LPA: variants seen among roughly 807,000 people sequenced by gnomAD.
The protein encoded by LPA is apolipoprotein(a).
Under a neutral mutation model 197.9 loss-of-function variants are expected in LPA, and 199 were observed. The ratio of observed to expected loss-of-function variants is 1.01; its 90% CI spans 0.90 to 1.13. LPA has a LOEUF of 1.13. LPA is among the 50% of genes most tolerant of loss of function. The pLI is 0.00. For missense variants in LPA, 1,853 were observed against 1,785.8 expected (o/e 1.04, Z -0.68); for synonymous variants, 715 against 639.5 (o/e 1.12, Z -1.78).
intron 1 of LPA, 41 bp downstream of exon 1, chr6:160,664,125 A>G: frequency 1.3e-6 from 2 of 1,537,700 alleles, no homozygotes. Context: ...ACATTGTGGG[A>G]GAAAAAATAA....
At chr6:160,596,859 C>T (rs1023355313) in intron 20 of LPA, among the ~76,000 whole-genome samples, 1 of 152,156 alleles carries the variant, frequency 6.6e-6, no homozygotes, top group East Asian at 1.9e-4. Context: ...CACTGCATCT[C>T]CTAAGTTTGG....
At chr6:160,592,040 T>C (rs1779040303) in intron 22 of LPA, among the ~76,000 whole-genome samples, 1 of 152,212 alleles carries the variant, frequency 6.6e-6, no homozygotes, top group Non-Finnish European at 1.5e-5. Flanking sequence ...TTGAGCTTCA[T>C]GACTATGAAT....
intron 28 of LPA, among the ~76,000 whole-genome samples, chr6:160,570,173 G>A (rs905978464): frequency 6.6e-6 from 1 of 152,196 alleles, no homozygotes; most frequent in African/African-American, 2.4e-5. Context: ...CTGCTATAAA[G>A]ACACATGCAC....
rs529069158 is a variant in LPA at position 160,585,352 on chromosome 6, A to T, written c.4130-147T>A. 141 of 777,456 alleles carry T rather than the reference A, an allele frequency of 1.8e-4. 3 individuals carry two copies. The South Asian group carries it at 2.1e-3, about 11-fold the overall frequency. The allele number at this position is 777,456 out of a possible 1,614,324, so 48.2% of individuals were successfully genotyped here. The stretch of plus-strand genomic sequence containing the variant: ...GCAAATTGAAATGTAGAATAAAAAT[A>T]CAAATAGACTTATAGGATTCTAGAA... On this transcript the variant is annotated intron_variant, in intron 25 of 38. Transcript: ENST00000316300.
intron 2 of LPA, among the ~76,000 whole-genome samples, chr6:160,649,903 A>G (rs9456566): frequency 7.9e-5 from 12 of 152,330 alleles, no homozygotes; most frequent in African/African-American, 2.9e-4. Flanking sequence ...ATAGACATAG[A>G]TATAGAAAAA....
intron 28 of LPA, among the ~76,000 whole-genome samples, chr6:160,571,029 T>C (rs1778553484): frequency 6.6e-6 from 1 of 152,210 alleles, no homozygotes; most frequent in Non-Finnish European, 1.5e-5. Flanking sequence ...GTTCAATCTT[T>C]TCACATAGTC....
At chr6:160,559,290 A>G (rs1434501901) in intron 28 of LPA, among the ~76,000 whole-genome samples, 6 of 152,350 alleles carry the variant, frequency 3.9e-5, no homozygotes, top group Non-Finnish European at 8.8e-5. Context: ...ATGAACTCAT[A>G]CAGAATATAC....
intron 36 of LPA, 84 bp from the exon 37 acceptor site, chr6:160,538,045 C>A: frequency 8.7e-7 from 1 of 1,146,168 alleles, no homozygotes; most frequent in Non-Finnish European, 1.3e-6. Context: ...GCCTTGAAGC[C>A]CCAGAGCCCT....
At chr6:160,594,762 G>T (rs1030092147) in intron 21 of LPA, among the ~76,000 whole-genome samples, 1 of 152,196 alleles carries the variant, frequency 6.6e-6, no homozygotes, top group African/African-American at 2.4e-5. Context: ...CCATGAGAAG[G>T]AGGGGCAAGA....
chr6:160,559,802 T>G (rs961607495), intron 28 of LPA, among the ~76,000 whole-genome samples: 1 of 152,226 alleles, frequency 6.6e-6, no homozygotes, highest in Non-Finnish European at 1.5e-5. Flanking sequence ...TATCTTATTA[T>G]TATTATACTT....
At chr6:160,565,714 G>A (rs1428656821) in intron 28 of LPA, among the ~76,000 whole-genome samples, 1 of 152,016 alleles carries the variant, frequency 6.6e-6, no homozygotes, top group Non-Finnish European at 1.5e-5. Flanking sequence ...CAGACGATCT[G>A]TAATAACAAA....
In LPA at chr6:160,658,597, A is replaced by T. The variant is rs149276252; in HGVS notation, c.49+5569T>A. Among the ~76,000 whole-genome samples, 237 of 151,960 alleles carry T rather than the reference A, an allele frequency of 1.6e-3. 3 individuals carry two copies. Among genetic ancestry groups the T allele is most frequent in the African/African-American group, 5.6e-3 (232 of 41,408 alleles). On this transcript the variant is annotated intron_variant, in intron 1 of 38. Transcript: ENST00000316300. ...AAGGTATTATGTATAGAGTCACTAAACTCCTTGCCTCTCATAAGTGATGAA... is the reference window on the plus strand; with the variant it reads ...AAGGTATTATGTATAGAGTCACTAATCTCCTTGCCTCTCATAAGTGATGAA...
intron 1 of LPA, among the ~76,000 whole-genome samples, chr6:160,662,977 G>A (rs1014504783): frequency 6.6e-6 from 1 of 152,072 alleles, no homozygotes; most frequent in African/African-American, 2.4e-5. Context: ...TTGCCTCAAG[G>A]GACAACACCC....
Position 160,548,668 on chromosome 6 carries a change from TC to T in LPA, c.4974-10del. Reference sequence around the variant, plus strand: ...AGTTCATTGTCAGGCCACTGGAAATTCCAAAGCAATACAAGTTACAGGAGGC... The same window carrying T: ...AGTTCATTGTCAGGCCACTGGAAATTCAAAGCAATACAAGTTACAGGAGGC... On this transcript the variant is annotated splice_polypyrimidine_tract_variant and intron_variant, in intron 30 of 38. Coordinates refer to ENST00000316300, the MANE Select transcript of LPA (RefSeq NM_005577.4). 1 of 1,613,862 alleles carries T rather than the reference TC, an allele frequency of 6.2e-7. No individual in the cohort carries two copies. Among genetic ancestry groups the T allele is most frequent in the Non-Finnish European group, 8.5e-7 (1 of 1,179,862 alleles).
At chr6:160,592,828 A>T (rs1743940165) in intron 22 of LPA, among the ~76,000 whole-genome samples, 1 of 151,964 alleles carries the variant, frequency 6.6e-6, no homozygotes, top group Non-Finnish European at 1.5e-5. Flanking sequence ...GCTTTCTTTG[A>T]CCTCTACTGA....
chr6:160,611,623 G>A lies in LPA; in HGVS notation c.2542C>T (p.Gln848Ter). 2 of 1,596,898 alleles carry A rather than the reference G, an allele frequency of 1.3e-6. No homozygotes were observed. Among genetic ancestry groups the A allele is most frequent in the African/African-American group, 1.4e-5 (1 of 73,896 alleles). ...TGTGGTGTCATAGATGACCAAGCTT[G>A]GCAGGTTCTTCCAGTGACAGTGGTG... The part of the protein sequence containing the change: ...YSTTVTGRTC[Q>*]AWSSMTPHSH... Residue 848 changes from glutamine (Q) to a stop codon, truncating the protein, a stop_gained, in exon 16 of 39, where the codon CAA (glutamine) becomes TAA (stop). Coordinates refer to ENST00000316300, the MANE Select transcript of LPA (RefSeq NM_005577.4). LOFTEE classifies it high-confidence loss of function.
At chr6:160,607,426 G>C (rs1250875886) in intron 16 of LPA, among the ~76,000 whole-genome samples, 1 of 152,158 alleles carries the variant, frequency 6.6e-6, no homozygotes, top group African/African-American at 2.4e-5. Context: ...CTGAGGGAAA[G>C]GGGGATGAGT....
intron 20 of LPA, among the ~76,000 whole-genome samples, chr6:160,596,592 T>C (rs1779137505): frequency 6.6e-6 from 1 of 152,140 alleles, no homozygotes; most frequent in East Asian, 1.9e-4. Flanking sequence ...ATCAGAGACA[T>C]GATGCCATTA....
chr6:160,585,821 CTCT>C (rs1026627406), intron 25 of LPA, among the ~76,000 whole-genome samples: 4 of 152,122 alleles, frequency 2.6e-5, no homozygotes, highest in Non-Finnish European at 4.4e-5. Context: ...ACATCCACTA[CTCT>C]TCTTCTCAAA....
Sources: allele counts gnomAD v4.1 joint callset (sites outside exome capture counted in the v4.1 genomes callset), GRCh38; gene constraint gnomAD v4.1.1; transcripts MANE v1.5; gene names NCBI Gene and HGNC (gene_info 2026-07-23, HGNC 2026-07-21).